ST6GALNAC3: variants seen among roughly 807,000 people sequenced by gnomAD.
ST6GALNAC3 encodes the protein ST6 N-acetylgalactosaminide alpha-2,6-sialyltransferase 3.
A neutral mutation model predicts 32.7 loss-of-function variants in ST6GALNAC3; 25 were observed. The ratio of observed to expected loss-of-function variants is 0.76; its 90% CI spans 0.56 to 1.07. The LOEUF is 1.07. Ranked by LOEUF, ST6GALNAC3 falls within the 50% of genes least tolerant of loss-of-function variation. The probability of loss-of-function intolerance (pLI) is 0.00; values close to 1 mark genes in which losing one functional copy is unlikely to be tolerated. For missense variants in ST6GALNAC3, 355 were observed against 382.4 expected (o/e 0.93, Z 0.60); for synonymous variants, 129 against 133.1 (o/e 0.97, Z 0.21).
Position 76,633,531 on chromosome 1 carries a change from T to C in ST6GALNAC3, c.*4725T>C, listed in dbSNP as rs999748921. 1 of 152,190 alleles carries C rather than the reference T, an allele frequency of 6.6e-6. No individual in the cohort carries two copies. Among genetic ancestry groups the C allele is most frequent in the Non-Finnish European group, 1.5e-5 (1 of 68,026 alleles). The allele number at this position is 152,190 out of a possible 1,614,324, so 9.4% of individuals were successfully genotyped here. Reference sequence around the variant, plus strand: ...TTTGTGATTGAGGATGAGCAAGCCATTGATACACCAAGAGCTGCTGAGTGT... The same window carrying C: ...TTTGTGATTGAGGATGAGCAAGCCACTGATACACCAAGAGCTGCTGAGTGT... On this transcript the variant is annotated 3_prime_UTR_variant, in exon 5 of 5. Coordinates refer to ENST00000328299, the MANE Select transcript of ST6GALNAC3 (RefSeq NM_152996.4).
At chr1:76,486,095 G>T (rs566295979) in intron 3 of ST6GALNAC3, among the ~76,000 whole-genome samples, 1 of 152,326 alleles carries the variant, frequency 6.6e-6, no homozygotes, top group East Asian at 1.9e-4. Context: ...GAGACAGTTT[G>T]TTATAATTTC....
At chr1:76,365,855 G>A (rs1332891295) in intron 2 of ST6GALNAC3, among the ~76,000 whole-genome samples, 13 of 152,070 alleles carry the variant, frequency 8.5e-5, no homozygotes, top group African/African-American at 2.4e-5. Flanking sequence ...TGTGTCAACC[G>A]TATTGATGTA....
intron 1 of ST6GALNAC3, among the ~76,000 whole-genome samples, chr1:76,181,984 A>G (rs1653209725): frequency 6.6e-6 from 1 of 152,172 alleles, no homozygotes; most frequent in Non-Finnish European, 1.5e-5. Flanking sequence ...TCTCATATCT[A>G]CAATGAGCAC....
At position 76,412,324 on chromosome 1, in the gene ST6GALNAC3, T is replaced by G; in HGVS notation, c.530T>G (p.Val177Gly). Residue 177 changes from valine to glycine, a missense_variant, in exon 3 of 5, where the codon GTT becomes GGT. Physicochemically the swap from Val to Gly is moderately radical, Grantham distance 109. Transcript: ENST00000328299. The stretch of plus-strand genomic sequence containing the variant: ...GTTTACAACATGTTGAAAAAGACAG[T>G]TGGTATCTATCCGAATGCCCAAATA... ...GIVYNMLKKT[V>G]GIYPNAQIYV... 6.2e-7 allele frequency: 1 copy of G among 1,613,634 alleles called. No homozygotes were observed. The highest frequency in any genetic ancestry group is 8.5e-7 in the Non-Finnish European group (1 of 1,179,770).
chr1:76,577,785 C>CT (rs769757643), intron 3 of ST6GALNAC3, among the ~76,000 whole-genome samples: 3 of 152,086 alleles, frequency 2.0e-5, no homozygotes, highest in Non-Finnish European at 4.4e-5. Context: ...GGGAGGGTAG[C>CT]TTTATCATTC....
At chr1:76,139,173 G>C (rs551324712) in intron 1 of ST6GALNAC3, among the ~76,000 whole-genome samples, 1 of 150,566 alleles carries the variant, frequency 6.6e-6, no homozygotes, top group African/African-American at 2.4e-5. Context: ...CAGCCTGGGC[G>C]ACAGAGCGAG....
At chr1:76,112,137 C>G (rs1648021808) in intron 1 of ST6GALNAC3, among the ~76,000 whole-genome samples, 1 of 141,804 alleles carries the variant, frequency 7.1e-6, no homozygotes, top group Non-Finnish European at 1.6e-5. Context: ...CACCTCCCTC[C>G]CGGACAGGGC....
chr1:76,320,040 T>C (rs1646937630), intron 2 of ST6GALNAC3, among the ~76,000 whole-genome samples: 1 of 152,208 alleles, frequency 6.6e-6, no homozygotes, highest in African/African-American at 2.4e-5. Flanking sequence ...TCAATGACCA[T>C]ATCTCCAGAC....
intron 3 of ST6GALNAC3, among the ~76,000 whole-genome samples, chr1:76,479,605 C>T (rs1232067629): frequency 6.6e-6 from 1 of 152,142 alleles, no homozygotes; most frequent in Non-Finnish European, 1.5e-5. Context: ...GGGCCAAACT[C>T]ATCCTTTTAT....
intron 3 of ST6GALNAC3, among the ~76,000 whole-genome samples, chr1:76,511,367 C>A (rs1319319164): frequency 6.6e-6 from 1 of 152,162 alleles, no homozygotes; most frequent in Non-Finnish European, 1.5e-5. Context: ...GTGGATTCCG[C>A]CTCCTGGCAG....
intron 3 of ST6GALNAC3, among the ~76,000 whole-genome samples, chr1:76,435,251 C>T (rs544317862): frequency 6.6e-6 from 1 of 151,980 alleles, no homozygotes; most frequent in South Asian, 2.1e-4. Context: ...AAAGAGGTGA[C>T]TATGGAATCT....
intron 2 of ST6GALNAC3, among the ~76,000 whole-genome samples, chr1:76,361,692 C>T (rs1307215256): frequency 6.6e-6 from 1 of 151,974 alleles, no homozygotes; most frequent in Non-Finnish European, 1.5e-5. Context: ...AAAGAAATAC[C>T]TGAGGCCCAG....
chr1:76,131,254 C>T (rs999224688), intron 1 of ST6GALNAC3, among the ~76,000 whole-genome samples: 7 of 152,140 alleles, frequency 4.6e-5, no homozygotes, highest in East Asian at 3.9e-4. Flanking sequence ...TGTTAGTCCT[C>T]GCATTGGTGA....
chr1:76,147,121 G>T (rs1449638245), intron 1 of ST6GALNAC3, among the ~76,000 whole-genome samples: 1 of 146,300 alleles, frequency 6.8e-6, no homozygotes, highest in Non-Finnish European at 1.5e-5. Flanking sequence ...GGAGTACAAT[G>T]GTGCCATCTT....
intron 2 of ST6GALNAC3, among the ~76,000 whole-genome samples, chr1:76,333,229 G>T (rs949653174): frequency 1.3e-5 from 2 of 152,206 alleles, no homozygotes; most frequent in African/African-American, 4.8e-5. Flanking sequence ...GGGTGAGAAT[G>T]CTGAGCAAGA....
intron 3 of ST6GALNAC3, among the ~76,000 whole-genome samples, chr1:76,595,985 T>C (rs901376270): frequency 6.6e-6 from 1 of 152,024 alleles, no homozygotes; most frequent in Non-Finnish European, 1.5e-5. Flanking sequence ...ACTCAGGGGA[T>C]GCAGCTTTAA....
chr1:76,526,474 C>G (rs188284032), intron 3 of ST6GALNAC3, among the ~76,000 whole-genome samples: 20 of 152,024 alleles, frequency 1.3e-4, no homozygotes, highest in African/African-American at 3.9e-4. Context: ...TTTGAAGTGG[C>G]CTTCACACTA....
At chr1:76,100,031 A>T (rs188610384) in intron 1 of ST6GALNAC3, among the ~76,000 whole-genome samples, 41 of 152,272 alleles carry the variant, frequency 2.7e-4, no homozygotes, top group East Asian at 1.5e-3. Context: ...AATGGAAATT[A>T]AAAAATTAAA....
chr1:76,512,248 T>C (rs559468056), intron 3 of ST6GALNAC3, among the ~76,000 whole-genome samples: 1 of 152,312 alleles, frequency 6.6e-6, no homozygotes, highest in Non-Finnish European at 1.5e-5. Flanking sequence ...AACGCCTCCA[T>C]TTCTCCTTCA....
Sources: allele counts gnomAD v4.1 joint callset (sites outside exome capture counted in the v4.1 genomes callset), GRCh38; gene constraint gnomAD v4.1.1; transcripts MANE v1.5; gene names NCBI Gene and HGNC (gene_info 2026-07-23, HGNC 2026-07-21).